ACBD3: variants seen among roughly 807,000 people sequenced by gnomAD.
ACBD3 encodes the protein acyl-CoA binding domain containing 3, also known as Golgi resident protein GCP60.
In ACBD3, 30 loss-of-function variants were observed where a neutral mutation model predicts 66.9. The ratio of observed to expected loss-of-function variants is 0.45; its 90% CI spans 0.34 to 0.61. ACBD3 has a LOEUF of 0.61. ACBD3 is among the 20% of genes least tolerant of loss of function. The pLI, the probability that ACBD3 is intolerant of heterozygous loss-of-function variation, is 0.02. For missense variants in ACBD3, 544 were observed against 664.5 expected (o/e 0.82, Z 1.99); for synonymous variants, 278 against 259.8 (o/e 1.07, Z -0.68).
intron 7 of ACBD3, among the ~76,000 whole-genome samples, chr1:226,151,875 T>G (rs973046100): frequency 6.6e-6 from 1 of 152,074 alleles, no homozygotes. Context: ...GGCACAGTGG[T>G]GCGTGCCTGT....
chr1:226,148,591 GA>G (rs895530119), intron 7 of ACBD3, among the ~76,000 whole-genome samples: 3 of 152,160 alleles, frequency 2.0e-5, no homozygotes, highest in African/African-American at 7.2e-5. Flanking sequence ...TGGGATAGAT[GA>G]AAAGGCATCT....
intron 5 of ACBD3, among the ~76,000 whole-genome samples, chr1:226,157,049 C>T (rs772869797): frequency 2.6e-5 from 4 of 151,860 alleles, no homozygotes; most frequent in East Asian, 1.9e-4. Flanking sequence ...ATAAAAGCAA[C>T]GTATCAAACA....
chr1:226,156,192 G>T (rs575578580), intron 5 of ACBD3, among the ~76,000 whole-genome samples: 1 of 152,318 alleles, frequency 6.6e-6, no homozygotes, highest in East Asian at 1.9e-4. Flanking sequence ...CACCTGCCCT[G>T]AAGGGTAACA....
intron 3 of ACBD3, among the ~76,000 whole-genome samples, chr1:226,163,986 G>A (rs147485124): frequency 1.4e-4 from 21 of 151,852 alleles, no homozygotes; most frequent in Non-Finnish European, 2.4e-4. Context: ...CTGGGTTGGT[G>A]GCAGGCACCT....
At chr1:226,184,112 A>G (rs1656238421) in intron 1 of ACBD3, among the ~76,000 whole-genome samples, 1 of 152,158 alleles carries the variant, frequency 6.6e-6, no homozygotes, top group Non-Finnish European at 1.5e-5. Context: ...AATGGAGTGA[A>G]TCCGGGAGGT....
intron 3 of ACBD3, among the ~76,000 whole-genome samples, chr1:226,163,743 C>T (rs561306219): frequency 9.2e-5 from 14 of 152,186 alleles, no homozygotes; most frequent in African/African-American, 3.4e-4. Flanking sequence ...TCTATTATGT[C>T]CCTAATTATC....
intron 1 of ACBD3, among the ~76,000 whole-genome samples, chr1:226,173,534 A>C (rs932036587): frequency 6.6e-6 from 1 of 151,792 alleles, no homozygotes; most frequent in Non-Finnish European, 1.5e-5. Flanking sequence ...GCTAACCCCA[A>C]CCACTTTCGG....
At chr1:226,183,745 G>C (rs548285298) in intron 1 of ACBD3, among the ~76,000 whole-genome samples, 2 of 152,052 alleles carry the variant, frequency 1.3e-5, no homozygotes, top group Non-Finnish European at 2.9e-5. Flanking sequence ...GTACCTGGGC[G>C]TGGTGGCACA....
intron 1 of ACBD3, among the ~76,000 whole-genome samples, chr1:226,168,895 G>A (rs1020350337): frequency 5.9e-5 from 9 of 152,192 alleles, no homozygotes; most frequent in African/African-American, 2.2e-4. Flanking sequence ...GTCTCGCTCT[G>A]TTGCCCAGGC....
In ACBD3 at chr1:226,150,535, C is replaced by T. The variant is rs1410121139; in HGVS notation, c.1375+1800G>A. Among the ~76,000 whole-genome samples the T allele has an allele frequency of 3.3e-5, 5 of 152,222 alleles. No homozygotes were observed. In the South Asian group the frequency reaches 6.2e-4, roughly 19 times the overall value. On this transcript the variant is annotated intron_variant, in intron 7 of 7. Coordinates refer to ENST00000366812, the MANE Select transcript of ACBD3 (RefSeq NM_022735.4). ...CTGGGATTACAGGCACCCACCACCA[C>T]GCTCGGCTAATTTTTATATTTTTAG...
At chr1:226,173,094 T>C (rs9286998) in intron 1 of ACBD3, among the ~76,000 whole-genome samples, 67,832 of 151,892 alleles carry the variant, frequency 0.45, 15,292 homozygotes, top group African/African-American at 0.5. Context: ...AGTGAAATCC[T>C]GTCTCCACAC....
Position 226,186,382 on chromosome 1 carries a change from C to T in ACBD3, c.286+8G>A. 1.3e-6 allele frequency: 2 copies of T among 1,513,320 alleles called. No individual in the cohort carries two copies. The highest frequency in any genetic ancestry group is 1.8e-6 in the Non-Finnish European group (2 of 1,130,634). The allele number at this position is 1,513,320 out of a possible 1,614,324, so 93.7% of individuals were successfully genotyped here. A position where few individuals can be genotyped will look rare whatever the true frequency, so the allele number is the denominator to read the frequency against. ...AGAAGCGGCGGGGGTGGGGCTGGCC[C>T]GGCTCACCTTTGAAGAAGCGCAGTG... On this transcript the variant is annotated splice_region_variant and intron_variant, in intron 1 of 7. Transcript: ENST00000366812.
At chr1:226,159,744 A>G (rs1659735943) in intron 4 of ACBD3, among the ~76,000 whole-genome samples, 1 of 152,212 alleles carries the variant, frequency 6.6e-6, no homozygotes. Flanking sequence ...GCCCAAGACT[A>G]TACTGCTAGC....
At chr1:226,162,793 G>A (rs970875274) in intron 3 of ACBD3, among the ~76,000 whole-genome samples, 1 of 151,082 alleles carries the variant, frequency 6.6e-6, no homozygotes, top group African/African-American at 2.4e-5. Context: ...GTAATAACAT[G>A]ACCTATTTTT....
At chr1:226,165,376 G>A (rs1206321084) in intron 2 of ACBD3, among the ~76,000 whole-genome samples, 1 of 151,950 alleles carries the variant, frequency 6.6e-6, no homozygotes, top group African/African-American at 2.4e-5. Flanking sequence ...TTACTATGTT[G>A]GCCAGGCTGG....
chr1:226,162,464 T>A (rs931787620), intron 3 of ACBD3, among the ~76,000 whole-genome samples: 3 of 152,204 alleles, frequency 2.0e-5, no homozygotes, highest in African/African-American at 7.2e-5. Context: ...AAATTAAAAT[T>A]TTTTGTAAAG....
At chr1:226,183,827 T>C (rs2102792687) in intron 1 of ACBD3, among the ~76,000 whole-genome samples, 1 of 137,848 alleles carries the variant, frequency 7.3e-6, no homozygotes, top group South Asian at 2.3e-4. Flanking sequence ...GAGGTTGCAG[T>C]GAGCTGAGAT....
intron 1 of ACBD3, among the ~76,000 whole-genome samples, chr1:226,185,949 G>A (rs1219963704): frequency 6.6e-6 from 1 of 152,110 alleles, no homozygotes; most frequent in Non-Finnish European, 1.5e-5. Flanking sequence ...CCTCTTGACA[G>A]ATTTCTTCCA....
intron 2 of ACBD3, 126 bp from the exon 3 acceptor site, chr1:226,165,055 T>G: frequency 9.9e-7 from 1 of 1,008,054 alleles, no homozygotes; most frequent in South Asian, 2.8e-5. Context: ...AGCAAAAGGC[T>G]CAAAACTTCA....
Sources: gnomAD v4.1 joint callset for allele counts (sites outside exome capture counted in the v4.1 genomes callset) on GRCh38, gnomAD v4.1.1 for gene constraint, MANE v1.5 for transcripts, NCBI Gene and HGNC (gene_info 2026-07-23, HGNC 2026-07-21) for gene names.